EHF: variants seen among roughly 807,000 people sequenced by gnomAD.
EHF encodes the protein ETS homologous factor.
Under a neutral mutation model 45.1 loss-of-function variants are expected in EHF, and 14 were observed. The ratio of observed to expected loss-of-function variants is 0.31; its 90% CI spans 0.21 to 0.49. EHF has a LOEUF of 0.49. Ranked by LOEUF, EHF falls within the 20% of genes least tolerant of loss-of-function variation. EHF has a pLI of 0.99. For missense variants in EHF, 282 were observed against 371.4 expected, an observed-to-expected ratio of 0.76 and a Z score of 1.98; for synonymous variants, 136 against 131.8, an observed-to-expected ratio of 1.03 and a Z score of -0.22.
At chr11:34,625,972 T>G (rs1057496651) in intron 1 of EHF, among the ~76,000 whole-genome samples, 1 of 152,188 alleles carries the variant, frequency 6.6e-6, no homozygotes, top group Non-Finnish European at 1.5e-5. Flanking sequence ...GCTTTCTGAT[T>G]AAAACAAAGC....
At chr11:34,639,939 G>A (rs962878132) in intron 1 of EHF, among the ~76,000 whole-genome samples, 2 of 152,160 alleles carry the variant, frequency 1.3e-5, no homozygotes, top group African/African-American at 2.4e-5. Flanking sequence ...GGAAAATGAC[G>A]TCGGCCCTGA....
chr11:34,644,488 T>C (rs1210574661), intron 2 of EHF, among the ~76,000 whole-genome samples: 4 of 152,214 alleles, frequency 2.6e-5, no homozygotes, highest in African/African-American at 4.8e-5. Flanking sequence ...GAGCCCACGT[T>C]GTGGGCCAGG....
intron 1 of EHF, among the ~76,000 whole-genome samples, chr11:34,625,951 A>C (rs182901229): frequency 2.0e-5 from 3 of 152,146 alleles, no homozygotes; most frequent in African/African-American, 7.2e-5. Flanking sequence ...GTATAGGTGC[A>C]TACAAAATGT....
chr11:34,646,902 TTA>T, intron 3 of EHF: 2 of 580,932 alleles, frequency 3.4e-6, no homozygotes, highest in Non-Finnish European at 5.9e-6. Context: ...CCAGTGTAAT[TTA>T]ATTCTTTCCT....
chr11:34,641,661 T>C (rs1854012932), intron 1 of EHF, among the ~76,000 whole-genome samples: 1 of 152,226 alleles, frequency 6.6e-6, no homozygotes, highest in Non-Finnish European at 1.5e-5. Context: ...CCAATAGCGA[T>C]CTGGAAACAG....
chr11:34,630,069 T>C (rs1852735430), intron 1 of EHF, among the ~76,000 whole-genome samples: 1 of 152,166 alleles, frequency 6.6e-6, no homozygotes, highest in South Asian at 2.1e-4. Flanking sequence ...CATATTAGGG[T>C]ACAAGGATGA....
rs551190352 is a variant in EHF at position 34,636,651 on chromosome 11, A to G, written c.-3-5977A>G. Among the ~76,000 whole-genome samples the G allele has an allele frequency of 7.2e-5, 11 of 152,334 alleles. No individual in the cohort carries two copies. In the East Asian group the frequency reaches 1.5e-3, roughly 21 times the overall value. ...AGAGGATAGAAATTCTCCAAGGTCA[A>G]CATAGCCCACCAAGCCACAGTACCA... On this transcript the variant is annotated intron_variant, in intron 1 of 8. Coordinates refer to ENST00000257831, the MANE Select transcript of EHF (RefSeq NM_012153.6).
intron 1 of EHF, among the ~76,000 whole-genome samples, chr11:34,628,076 C>A (rs1392110630): frequency 6.6e-6 from 1 of 152,042 alleles, no homozygotes; most frequent in African/African-American, 2.4e-5. Context: ...TGGCGAAACC[C>A]CATCTCTACT....
At chr11:34,652,771 G>T (rs1177695816) in intron 6 of EHF, among the ~76,000 whole-genome samples, 1 of 152,118 alleles carries the variant, frequency 6.6e-6, no homozygotes, top group Non-Finnish European at 1.5e-5. Flanking sequence ...TTTGAGAACT[G>T]AAATAATGAA....
intron 6 of EHF, among the ~76,000 whole-genome samples, chr11:34,655,704 T>A (rs1458187130): frequency 2.0e-5 from 3 of 152,248 alleles, no homozygotes; most frequent in Non-Finnish European, 4.4e-5. Flanking sequence ...CTTAGTACAG[T>A]GCCTGGTACA....
Position 34,642,315 on chromosome 11 carries a change from G to A in EHF, c.-3-313G>A, listed in dbSNP as rs916799082. ...TAAAAAAAAAAGAAAAAAAAAAACTGCTTGGATGCCAGCCAGCCTCGCCCT... is the reference window on the plus strand; with the variant it reads ...TAAAAAAAAAAGAAAAAAAAAAACTACTTGGATGCCAGCCAGCCTCGCCCT... On this transcript the variant is annotated intron_variant, in intron 1 of 8. Transcript: ENST00000257831. The A allele has an allele frequency of 7.9e-5, 14 of 176,342 alleles. No homozygotes were observed. In the East Asian group the frequency reaches 1.2e-3, roughly 15 times the overall value. The allele number at this position is 176,342 out of a possible 1,614,324, so 10.9% of individuals were successfully genotyped here. A position where few individuals can be genotyped will look rare whatever the true frequency, so the allele number is the denominator to read the frequency against.
intron 6 of EHF, among the ~76,000 whole-genome samples, chr11:34,652,218 C>G (rs373402696): frequency 1.7e-4 from 26 of 152,218 alleles, no homozygotes; most frequent in African/African-American, 5.8e-4. Flanking sequence ...TTCAAAGGTC[C>G]GTGAACCTGT....
chr11:34,663,133 T>TA lies in EHF; in HGVS notation c.*4210dup, dbSNP rs1856187140. Among the ~76,000 whole-genome samples, 1 of 152,120 alleles carries TA rather than the reference T, an allele frequency of 6.6e-6. No individual in the cohort carries two copies. The highest frequency in any genetic ancestry group is 1.5e-5 in the Non-Finnish European group (1 of 67,970). On this transcript the variant is annotated 3_prime_UTR_variant, in exon 9 of 9. Transcript: ENST00000257831. The stretch of plus-strand genomic sequence containing the variant: ...TGGAAACAACTCTATTGCTACTATT[T>TA]AAAAAAAATCAGAAATCTTTCCCTT...
intron 1 of EHF, among the ~76,000 whole-genome samples, chr11:34,633,396 G>A (rs1302892861): frequency 1.3e-5 from 2 of 152,144 alleles, no homozygotes; most frequent in African/African-American, 4.8e-5. Flanking sequence ...CTTGTGGTGG[G>A]AAAGGGAAGG....
At chr11:34,631,362 T>A (rs184164098) in intron 1 of EHF, among the ~76,000 whole-genome samples, 3 of 152,328 alleles carry the variant, frequency 2.0e-5, no homozygotes, top group Non-Finnish European at 4.4e-5. Context: ...TCCCTCTGAC[T>A]GTGTGTGCTG....
chr11:34,637,932 C>T (rs914807790), intron 1 of EHF, among the ~76,000 whole-genome samples: 18 of 148,606 alleles, frequency 1.2e-4, no homozygotes, highest in Admixed American at 6.8e-5. Flanking sequence ...GTCAGAGTCT[C>T]GCTCTGTTGC....
intron 1 of EHF, among the ~76,000 whole-genome samples, chr11:34,636,874 A>AT (rs1200034387): frequency 5.3e-5 from 8 of 152,116 alleles, no homozygotes; most frequent in Admixed American, 3.9e-4. Context: ...TACTAAAAAT[A>AT]CAAAATTAGC....
At chr11:34,630,450 A>G (rs1218157653) in intron 1 of EHF, among the ~76,000 whole-genome samples, 1 of 152,200 alleles carries the variant, frequency 6.6e-6, no homozygotes, top group Non-Finnish European at 1.5e-5. Flanking sequence ...AATATGAACT[A>G]TTATCACTGT....
At chr11:34,646,985 G>A (rs772403696) in intron 3 of EHF, 44 of 390,666 alleles carry the variant, frequency 1.1e-4, no homozygotes, top group Non-Finnish European at 6.3e-5. Context: ...CTTGGAAAAT[G>A]TTTTCTTTCC....
Sources: allele counts gnomAD v4.1 joint callset (sites outside exome capture counted in the v4.1 genomes callset), GRCh38; gene constraint gnomAD v4.1.1; transcripts MANE v1.5; gene names NCBI Gene and HGNC (gene_info 2026-07-23, HGNC 2026-07-21).